The following IMPG2 variants were observed in gnomAD, a reference collection of about 807,000 sequenced individuals.
IMPG2 encodes IPM 200.
In IMPG2, 91 loss-of-function variants were observed where a neutral mutation model predicts 129.2. The ratio of observed to expected loss-of-function variants is 0.70; its 90% CI spans 0.59 to 0.84. The LOEUF (loss-of-function observed/expected upper bound fraction) is 0.84, where lower values mean the gene tolerates loss of function less well. Ranked by LOEUF, IMPG2 falls within the 40% of genes least tolerant of loss-of-function variation. The pLI is 0.00. For synonymous variants in IMPG2, 510 were observed against 517.7 expected, an observed-to-expected ratio of 0.99 and a Z score of 0.20; for missense variants, 1,430 against 1,461.7, an observed-to-expected ratio of 0.98 and a Z score of 0.35.
intron 2 of IMPG2, among the ~76,000 whole-genome samples, chr3:101,308,545 A>T (rs1316191751): frequency 3.3e-5 from 5 of 152,230 alleles, no homozygotes; most frequent in African/African-American, 1.2e-4. Context: ...CATGGCTGGC[A>T]CACAGGGCAC....
chr3:101,240,720 G>A (rs1461679573), intron 14 of IMPG2, among the ~76,000 whole-genome samples: 1 of 152,190 alleles, frequency 6.6e-6, no homozygotes, highest in Non-Finnish European at 1.5e-5. Flanking sequence ...CAAAGAATGT[G>A]CAAATGGCCT....
intron 3 of IMPG2, among the ~76,000 whole-genome samples, chr3:101,302,907 C>T (rs1707153231): frequency 1.3e-5 from 2 of 152,188 alleles, no homozygotes; most frequent in Admixed American, 6.5e-5. Flanking sequence ...GTTTATCAAA[C>T]CATCCTTCTC....
Position 101,271,079 on chromosome 3 carries a change from A to G in IMPG2, c.829-1506T>C, listed in dbSNP as rs920325570. 3.9e-5 allele frequency among the ~76,000 whole-genome samples: 6 copies of G among 151,902 alleles called. No homozygotes were observed. In the South Asian group the frequency reaches 1.3e-3, roughly 32 times the overall value. ...AGCCAAAGAATGAAACTCTTTGGCT[A>G]TAGTAATGTGCCCTGTTTTACTCTC... On this transcript the variant is annotated intron_variant, in intron 7 of 18. Transcript: ENST00000193391.
chr3:101,283,341 TA>T (rs1305830974), intron 4 of IMPG2, among the ~76,000 whole-genome samples: 1 of 152,082 alleles, frequency 6.6e-6, no homozygotes, highest in Non-Finnish European at 1.5e-5. Flanking sequence ...TTCCTTTTTT[TA>T]AAAAATGTAT....
intron 4 of IMPG2, among the ~76,000 whole-genome samples, chr3:101,286,914 T>G (rs1180807443): frequency 6.6e-6 from 1 of 152,198 alleles, no homozygotes. Context: ...TTTAGCCAAT[T>G]AACAGACTTT....
chr3:101,247,844 T>C (rs1204065570), intron 11 of IMPG2, among the ~76,000 whole-genome samples: 1 of 152,188 alleles, frequency 6.6e-6, no homozygotes, highest in Non-Finnish European at 1.5e-5. Context: ...CTGGAACCTT[T>C]AAGAAATTTC....
chr3:101,245,257 T>A (rs553477733), intron 12 of IMPG2, among the ~76,000 whole-genome samples: 1 of 152,314 alleles, frequency 6.6e-6, no homozygotes, highest in South Asian at 2.1e-4. Context: ...ATCTTCCTCA[T>A]TTCACATGTA....
In IMPG2 at chr3:101,230,942, C is replaced by T. The variant is rs1706278451; in HGVS notation, c.3422+15G>A. ...GAACATTGTATTCCATTAGAGAGCT[C>T]TTTTCCTTATTTACCTGAAGGGACT... On this transcript the variant is annotated intron_variant, in intron 16 of 18. Coordinates refer to ENST00000193391, the MANE Select transcript of IMPG2 (RefSeq NM_016247.4). The T allele has an allele frequency of 6.2e-7, 1 of 1,606,466 alleles. No homozygotes were observed. The highest frequency in any genetic ancestry group is 1.3e-5 in the African/African-American group (1 of 74,762).
chr3:101,286,082 G>A lies in IMPG2; in HGVS notation c.533+5397C>T, dbSNP rs923165393. ...TGGACAAGTCCCTTAAATTCTCTAC[G>A]CCATAATTTCCTTCTCTTTAAGAGA... On this transcript the variant is annotated intron_variant, in intron 4 of 18. Transcript: ENST00000193391. Among the ~76,000 whole-genome samples, 4 of 151,932 alleles carry A rather than the reference G, an allele frequency of 2.6e-5. 1 individual carries two copies. The highest frequency in any genetic ancestry group is 1.9e-4 in the East Asian group (1 of 5,164).
chr3:101,268,077 T>C (rs1246796081), intron 8 of IMPG2, among the ~76,000 whole-genome samples: 2 of 152,362 alleles, frequency 1.3e-5, no homozygotes, highest in East Asian at 3.9e-4. Flanking sequence ...TTAAGATTTA[T>C]TAGTATCCTC....
At chr3:101,231,357 T>C (rs1260357741) in intron 15 of IMPG2, among the ~76,000 whole-genome samples, 2 of 152,208 alleles carry the variant, frequency 1.3e-5, no homozygotes, top group Non-Finnish European at 2.9e-5. Flanking sequence ...TCAATGACTG[T>C]TTGAAAGAAA....
chr3:101,262,422 T>C (rs1367676703), intron 9 of IMPG2, among the ~76,000 whole-genome samples: 1 of 152,086 alleles, frequency 6.6e-6, no homozygotes, highest in Non-Finnish European at 1.5e-5. Flanking sequence ...CATTCATTTA[T>C]ACACAGCTCA....
At chr3:101,268,273 C>A (rs1229257362) in intron 8 of IMPG2, among the ~76,000 whole-genome samples, 1 of 152,158 alleles carries the variant, frequency 6.6e-6, no homozygotes, top group Non-Finnish European at 1.5e-5. Flanking sequence ...TGAAGCCAGG[C>A]AAGTTGGCTC....
Position 101,276,729 on chromosome 3 carries a change from T to A in IMPG2, c.534-16A>T. 6.3e-7 allele frequency: 1 copy of A among 1,598,132 alleles called. No individual in the cohort carries two copies. Among genetic ancestry groups the A allele is most frequent in the Non-Finnish European group, 8.6e-7 (1 of 1,166,200 alleles). ...CAGTTCAGAGCTAGAAAAAAAAATG[T>A]TTGCAGTTAATAAAATGACAGACAC... is the stretch of plus-strand genomic sequence containing the variant. On this transcript the variant is annotated splice_polypyrimidine_tract_variant and intron_variant, in intron 4 of 18. Transcript: ENST00000193391.
intron 2 of IMPG2, 133 bp downstream of exon 2, chr3:101,319,451 T>C (rs1295288678): frequency 8.5e-6 from 9 of 1,060,418 alleles, no homozygotes; most frequent in Middle Eastern, 4.1e-4. Context: ...ACTATATTCT[T>C]AGCAGTAGAA....
At chr3:101,276,605 G>A in intron 5 of IMPG2, 59 bp downstream of exon 5, 1 of 1,136,546 alleles carries the variant, frequency 8.8e-7, no homozygotes, top group Admixed American at 1.7e-5. Flanking sequence ...TTGTTTGTGA[G>A]CCTGTCTTAA....
chr3:101,229,240 T>C (rs1021559918), intron 17 of IMPG2, 140 bp downstream of exon 17: 3 of 744,922 alleles, frequency 4.0e-6, no homozygotes, highest in Non-Finnish European at 7.0e-6. Flanking sequence ...AAAAACCAAT[T>C]ACTAAATATT....
In IMPG2 at chr3:101,244,385, A is replaced by C. The variant is rs146644083; in HGVS notation, c.1946T>G (p.Leu649Arg). The change falls in exon 13 of 19, where the codon CTA (leucine) becomes CGA (arginine). Residue 649 changes from leucine (L) to arginine (R), a missense_variant. By Grantham distance (102) the Leu-to-Arg change is moderately radical (BLOSUM62 -2). Coordinates refer to ENST00000193391, the MANE Select transcript of IMPG2 (RefSeq NM_016247.4). ...LLPAEIEDKK[L>R]VLVDKMDSTD... is the part of the protein sequence containing the mutation. ...GGAATCCATTTTGTCAACTAAAACT[A>C]GTTTCTTGTCTTCAATCTCAGCTGG... The C allele has an allele frequency of 1.2e-6, 2 of 1,614,016 alleles. No individual in the cohort carries two copies. Among genetic ancestry groups the C allele is most frequent in the Non-Finnish European group, 1.7e-6 (2 of 1,180,018 alleles).
rs1706441675 is a variant in IMPG2, at chr3:101,243,994, T to C, written c.2337A>G (p.Glu779=). 1.2e-6 allele frequency: 2 copies of C among 1,614,212 alleles called. No individual in the cohort carries two copies. The highest frequency in any genetic ancestry group is 1.7e-6 in the Non-Finnish European group (2 of 1,180,016). ...AAGTTCTTGTCCAAACTCTCTCTGATTCTGGCAATATAGTCCACAAAGTTT... is the reference window on the plus strand; with the variant it reads ...AAGTTCTTGTCCAAACTCTCTCTGACTCTGGCAATATAGTCCACAAAGTTT... ...DMQTLWTILP[E]SERVWTRTSS... The change falls in exon 13 of 19, where the codon GAA becomes GAG. Residue 779 remains glutamate (E), a synonymous_variant. Coordinates refer to ENST00000193391, the MANE Select transcript of IMPG2 (RefSeq NM_016247.4).
Sources: gnomAD v4.1 joint callset for allele counts (sites outside exome capture counted in the v4.1 genomes callset) on GRCh38, gnomAD v4.1.1 for gene constraint, MANE v1.5 for transcripts, NCBI Gene and HGNC (gene_info 2026-07-23, HGNC 2026-07-21) for gene names.